Variants in POLR2F observed in about 807,000 individuals in gnomAD.
The protein encoded by POLR2F is RNA polymerase II, I and III subunit F.
In POLR2F, 12 loss-of-function variants were observed where a neutral mutation model predicts 22.7. The ratio of observed to expected loss-of-function variants is 0.53; its 90% CI spans 0.34 to 0.86. The LOEUF (loss-of-function observed/expected upper bound fraction) is 0.86. Ranked by LOEUF, POLR2F falls within the 40% of genes least tolerant of loss-of-function variation. The pLI is 0.02. For synonymous variants in POLR2F, 57 were observed against 66.0 expected, an observed-to-expected ratio of 0.86 and a Z score of 0.66; for missense variants, 126 against 171.5, an observed-to-expected ratio of 0.73 and a Z score of 1.48.
At chr22:38,029,105 G>T (rs920004738), downstream of POLR2F, among the ~76,000 whole-genome samples, 1 of 152,104 alleles carries the variant, frequency 6.6e-6, no homozygotes, top group Non-Finnish European at 1.5e-5. Context: ...AGGGTGAGGT[G>T]GTGCTGGTGA....
chr22:38,022,978 T>A (rs974589250), intron 1 of POLR2F, among the ~76,000 whole-genome samples: 53 of 152,356 alleles, frequency 3.5e-4, no homozygotes, highest in African/African-American at 1.2e-3. Flanking sequence ...GCCATTGCAC[T>A]CCAGCCTGGG....
At chr22:38,003,763 G>A (rs1016437319) in intron 1 of POLR2F, among the ~76,000 whole-genome samples, 1 of 151,708 alleles carries the variant, frequency 6.6e-6, no homozygotes, top group African/African-American at 2.4e-5. Flanking sequence ...TTTTATTAGA[G>A]ATAGGGTTTC....
At chr22:38,008,979 A>G (rs1218557450) in intron 1 of POLR2F, among the ~76,000 whole-genome samples, 1 of 152,234 alleles carries the variant, frequency 6.6e-6, no homozygotes, top group Non-Finnish European at 1.5e-5. Context: ...ATGGAGGGGC[A>G]GGCCCCTCTG....
downstream of POLR2F, among the ~76,000 whole-genome samples, chr22:38,026,939 C>T (rs2085017146): frequency 6.6e-6 from 1 of 152,152 alleles, no homozygotes; most frequent in African/African-American, 2.4e-5. Flanking sequence ...CTCCCAGCTG[C>T]CCCAGGCAAG....
upstream of POLR2F, chr22:37,983,874 T>A: frequency 1.7e-6 from 2 of 1,170,690 alleles, no homozygotes; most frequent in South Asian, 1.8e-5. This position sits in a 1 kb window ranked among gnomAD's most constrained non-coding sequence, Gnocchi z 9.5. Flanking sequence ...CCCACCTGGA[T>A]GGAAGGAGGG....
At position 37,986,464 on chromosome 22, in the gene POLR2F, G is replaced by A. The variant is rs1007729678; in HGVS notation, c.120+152G>A. 8.0e-6 allele frequency: 12 copies of A among 1,494,732 alleles called. No homozygotes were observed. The highest frequency in any genetic ancestry group is 2.0e-4 in the Middle Eastern group (1 of 4,910). 92.6% of individuals were successfully genotyped at this position (1,494,732 alleles called of 1,614,324 possible). On this transcript the variant is annotated intron_variant, in intron 1 of 2. Coordinates refer to the POLR2F transcript ENST00000333418. This position sits in a 1 kb window ranked among gnomAD's most constrained non-coding sequence, Gnocchi z 4.7. ...AGAGCCCAGAGTTAGGAGGTGGAAT[G>A]TGGGGTCCCACAGCTGCCCCCTCTC...
downstream of POLR2F, among the ~76,000 whole-genome samples, chr22:38,030,938 G>T (rs537652085): frequency 6.6e-5 from 10 of 152,264 alleles, no homozygotes; most frequent in Non-Finnish European, 4.4e-5. Flanking sequence ...GGGAAAGGCA[G>T]GGTCTGTGAA....
chr22:37,997,712 C>A lies in POLR2F; in HGVS notation c.120+11400C>A, dbSNP rs1741566980. On this transcript the variant is annotated intron_variant, in intron 1 of 2. Coordinates refer to the POLR2F transcript ENST00000333418. This position sits in a 1 kb window ranked among gnomAD's most constrained non-coding sequence, Gnocchi z 4.4. ...TGGGTCACCCTGCCCCTCCCTCGTGCCTGTGCCCAGCTCCGCATCTCCCTC... is the reference window on the plus strand; with the variant it reads ...TGGGTCACCCTGCCCCTCCCTCGTGACTGTGCCCAGCTCCGCATCTCCCTC... 1.3e-5 allele frequency among the ~76,000 whole-genome samples: 2 copies of A among 152,160 alleles called. No homozygotes were observed. Among genetic ancestry groups the A allele is most frequent in the African/African-American group, 4.8e-5 (2 of 41,434 alleles).
chr22:38,034,784 C>T (rs1349435585), intron 5 of POLR2F, among the ~76,000 whole-genome samples: 1 of 152,200 alleles, frequency 6.6e-6, no homozygotes, highest in African/African-American at 2.4e-5. Context: ...AGCAGAGACA[C>T]AGAGCGCACT....
rs538168742 is a variant in POLR2F, at chr22:37,999,963, C to T, written c.120+13651C>T. Among the ~76,000 whole-genome samples, 3 of 152,362 alleles carry T rather than the reference C, an allele frequency of 2.0e-5. No homozygotes were observed. The South Asian group carries it at 6.2e-4, about 32-fold the overall frequency. On this transcript the variant is annotated intron_variant, in intron 1 of 2. Transcript: ENST00000333418. ...CACACCATTTGACTGCCTGGATCTG[C>T]ACCTGGCAGCCTGTGCCCGCTAGGC...
downstream of POLR2F, among the ~76,000 whole-genome samples, chr22:38,026,974 G>C: frequency 6.6e-6 from 1 of 152,150 alleles, no homozygotes; most frequent in East Asian, 1.9e-4. Flanking sequence ...TGGGTGGGTG[G>C]ATGGACGGGG....
intron 1 of POLR2F, among the ~76,000 whole-genome samples, chr22:38,018,792 A>C (rs982668051): frequency 1.3e-5 from 2 of 152,168 alleles, no homozygotes; most frequent in African/African-American, 4.8e-5. Flanking sequence ...AGATGAGGCC[A>C]GATGCAGGAG....
In POLR2F at chr22:37,968,344, C is replaced by T; in HGVS notation, c.*629C>T. The T allele has an allele frequency of 1.5e-5, 15 of 985,976 alleles. No individual in the cohort carries two copies. The highest frequency in any genetic ancestry group is 1.8e-5 in the Non-Finnish European group (15 of 830,220). The allele number at this position is 985,976 out of a possible 1,614,324, so 61.1% of individuals were successfully genotyped here. On this transcript the variant is annotated 3_prime_UTR_variant, in exon 5 of 5. Transcript: ENST00000442738. ...ACCCCTGCCCCCATGGCTCTGTCCC[C>T]ACTCCTCCTCAGGACTCTGCCCACA...
chr22:38,022,371 G>C (rs1332614931), intron 1 of POLR2F, among the ~76,000 whole-genome samples: 1 of 151,798 alleles, frequency 6.6e-6, no homozygotes, highest in African/African-American at 2.4e-5. Flanking sequence ...GACCAACATG[G>C]TGAAACCCTG....
intron 5 of POLR2F, among the ~76,000 whole-genome samples, chr22:38,039,096 G>A (rs2085146508): frequency 6.6e-6 from 1 of 152,184 alleles, no homozygotes; most frequent in African/African-American, 2.4e-5. Context: ...TTGCCTCCCG[G>A]GAGCGGCTCC....
At chr22:37,991,849 T>C (rs1391180296) in intron 1 of POLR2F, among the ~76,000 whole-genome samples, 2 of 152,212 alleles carry the variant, frequency 1.3e-5, no homozygotes, top group African/African-American at 4.8e-5. Flanking sequence ...CTCATTGTCC[T>C]CCTGCATTGT....
At chr22:37,964,254 TG>T (rs1294130458) in intron 3 of POLR2F, among the ~76,000 whole-genome samples, 3 of 152,050 alleles carry the variant, frequency 2.0e-5, no homozygotes, top group Non-Finnish European at 4.4e-5. Flanking sequence ...CAGAGGTGAC[TG>T]GGAAAGCCTT....
chr22:37,961,256 C>A (rs1931630251), intron 3 of POLR2F, among the ~76,000 whole-genome samples: 1 of 152,002 alleles, frequency 6.6e-6, no homozygotes, highest in Non-Finnish European at 1.5e-5. Context: ...AGGGGTCTTG[C>A]TATGTTGCCC....
At chr22:37,986,166 C>T (rs757642891), upstream of POLR2F, 1 of 1,539,252 alleles carries the variant, frequency 6.5e-7, no homozygotes, top group East Asian at 2.4e-5. The surrounding 1 kb of genome is among the most constrained non-coding windows in gnomAD (Gnocchi z 4.7). Context: ...CCCGCTCGGC[C>T]TCAGAACCGC....
Sources: gnomAD v4.1 joint callset for allele counts (sites outside exome capture counted in the v4.1 genomes callset) on GRCh38, gnomAD v4.1.1 for gene constraint, Gnocchi (gnomAD v3.1) non-coding constraint, MANE v1.5 for transcripts, NCBI Gene and HGNC (gene_info 2026-07-23, HGNC 2026-07-21) for gene names.